The following OLFM3 variants were observed in gnomAD, a reference collection of about 807,000 sequenced individuals.
OLFM3 encodes noelin-3.
Under a neutral mutation model 48.6 loss-of-function variants are expected in OLFM3, and 20 were observed. The observed-to-expected ratio is 0.41, with a 90% CI of 0.29 to 0.60. The LOEUF (loss-of-function observed/expected upper bound fraction) is 0.60. Among genes scored for constraint, OLFM3 ranks in the 20% least tolerant of loss-of-function variants. The pLI, the probability that OLFM3 is intolerant of heterozygous loss-of-function variation, is 0.28. For synonymous variants in OLFM3, 222 were observed against 198.1 expected (o/e 1.12, Z -1.01); for missense variants, 437 against 544.3 (o/e 0.80, Z 1.96).
Position 101,877,988 on chromosome 1 carries a change from C to G in OLFM3, c.70-40963G>C, listed in dbSNP as rs551358583. ...ATGGCTGGTGGCATCACCTTAGATA[C>G]AGCTCACAAAGTGAAAGGACCTCAG... is the stretch of plus-strand genomic sequence containing the variant. On this transcript the variant is annotated intron_variant, in intron 1 of 5. Transcript: ENST00000370103. Among the ~76,000 whole-genome samples, 10 of 151,770 alleles carry G rather than the reference C, an allele frequency of 6.6e-5. No individual in the cohort carries two copies. The South Asian group carries it at 1.9e-3, about 28-fold the overall frequency.
intron 4 of OLFM3, among the ~76,000 whole-genome samples, chr1:101,820,313 G>A (rs1437614448): frequency 6.6e-6 from 1 of 152,054 alleles, no homozygotes; most frequent in East Asian, 1.9e-4. Context: ...ACTAACAGGA[G>A]GGAGTTGGGG....
intron 1 of OLFM3, among the ~76,000 whole-genome samples, chr1:101,880,869 A>G (rs1657499994): frequency 6.6e-6 from 1 of 151,860 alleles, no homozygotes; most frequent in South Asian, 2.1e-4. Flanking sequence ...AAAACTTCTA[A>G]AGCAGAATCA....
chr1:101,980,873 G>C (rs1176271711), intron 1 of OLFM3, among the ~76,000 whole-genome samples: 9 of 152,128 alleles, frequency 5.9e-5, no homozygotes, highest in African/African-American at 2.2e-4. Context: ...AGTTCCTGGG[G>C]AAAACTCAGG....
intron 1 of OLFM3, among the ~76,000 whole-genome samples, chr1:101,902,269 G>A (rs921883513): frequency 1.3e-5 from 2 of 151,956 alleles, no homozygotes; most frequent in Admixed American, 6.6e-5. Flanking sequence ...AGATCTATTC[G>A]ATAGAATAAG....
chr1:101,851,016 A>T (rs994973611), intron 1 of OLFM3, among the ~76,000 whole-genome samples: 1 of 152,178 alleles, frequency 6.6e-6, no homozygotes, highest in African/African-American at 2.4e-5. Context: ...ACCTCTAGAA[A>T]AAAACAGTGG....
rs186567267 is a variant in OLFM3, at chr1:101,979,405, T to C, written c.69+17343A>G. On this transcript the variant is annotated intron_variant, in intron 1 of 5. Coordinates refer to ENST00000370103, the MANE Select transcript of OLFM3 (RefSeq NM_058170.4). ...CAAGGGTGGGACAAGGTGGAGGTAATTGGATCATGGGGGCGGTTTCTCCCA... is the reference window on the plus strand; with the variant it reads ...CAAGGGTGGGACAAGGTGGAGGTAACTGGATCATGGGGGCGGTTTCTCCCA... Among the ~76,000 whole-genome samples the C allele has an allele frequency of 1.4e-3, 209 of 152,260 alleles. 1 individual carries two copies. Among genetic ancestry groups the C allele is most frequent in the African/African-American group, 4.9e-3 (202 of 41,538 alleles).
In OLFM3 at chr1:101,846,036, T is replaced by C. The variant is rs553160684; in HGVS notation, c.70-9011A>G. On this transcript the variant is annotated intron_variant, in intron 1 of 5. Coordinates refer to ENST00000370103, the MANE Select transcript of OLFM3 (RefSeq NM_058170.4). ...GGCAGAGGAATTATTTTCTAAGAAATTCCTTTTATTTGAATTTGTAAATTT... is the reference window on the plus strand; with the variant it reads ...GGCAGAGGAATTATTTTCTAAGAAACTCCTTTTATTTGAATTTGTAAATTT... 1.6e-4 allele frequency among the ~76,000 whole-genome samples: 25 copies of C among 152,354 alleles called. No individual in the cohort carries two copies. In the South Asian group the frequency reaches 4.8e-3, roughly 29 times the overall value.
At chr1:101,831,262 A>G (rs1442445409) in intron 2 of OLFM3, among the ~76,000 whole-genome samples, 1 of 152,200 alleles carries the variant, frequency 6.6e-6, no homozygotes, top group African/African-American at 2.4e-5. Flanking sequence ...AGAGGCCTAG[A>G]ATGCATTCAT....
intron 1 of OLFM3, among the ~76,000 whole-genome samples, chr1:101,970,513 C>T (rs1660752160): frequency 6.6e-6 from 1 of 152,098 alleles, no homozygotes; most frequent in African/African-American, 2.4e-5. Context: ...TCTTTTCCCC[C>T]TTCTTTCCTG....
At chr1:101,934,321 A>G (rs1659545816) in intron 1 of OLFM3, among the ~76,000 whole-genome samples, 2 of 152,190 alleles carry the variant, frequency 1.3e-5, no homozygotes, top group South Asian at 4.1e-4. Context: ...ATGGGTTGCT[A>G]TTCTAACCTC....
intron 1 of OLFM3, among the ~76,000 whole-genome samples, chr1:101,892,043 T>C (rs943982481): frequency 2.6e-5 from 4 of 152,066 alleles, no homozygotes; most frequent in African/African-American, 9.7e-5. Context: ...TAAACTTAAT[T>C]GTATAAAGCT....
At chr1:101,831,197 T>G (rs1655132634) in intron 2 of OLFM3, among the ~76,000 whole-genome samples, 1 of 152,264 alleles carries the variant, frequency 6.6e-6, no homozygotes, top group Non-Finnish European at 1.5e-5. Context: ...GTACTAATTC[T>G]GACTTCTTAA....
At chr1:101,863,015 G>T (rs1656716247) in intron 1 of OLFM3, among the ~76,000 whole-genome samples, 1 of 149,660 alleles carries the variant, frequency 6.7e-6, no homozygotes, top group African/African-American at 2.5e-5. Context: ...TTTTGAGACG[G>T]AGTGTTGCTC....
rs542055067 is a variant in OLFM3, at chr1:101,881,822, G to A, written c.70-44797C>T. Among the ~76,000 whole-genome samples the A allele has an allele frequency of 1.4e-4, 21 of 151,526 alleles. No individual in the cohort carries two copies. In the South Asian group the frequency reaches 4.4e-3, roughly 32 times the overall value. On this transcript the variant is annotated intron_variant, in intron 1 of 5. Transcript: ENST00000370103. Reference sequence around the variant, plus strand: ...CATTTTGGCTGCAGTATTGGTGGTAGAATATACTATAATATGGATCATCTC... The same window carrying A: ...CATTTTGGCTGCAGTATTGGTGGTAAAATATACTATAATATGGATCATCTC...
intron 1 of OLFM3, among the ~76,000 whole-genome samples, chr1:101,975,623 T>C (rs1660932971): frequency 1.3e-5 from 2 of 152,172 alleles, no homozygotes; most frequent in African/African-American, 4.8e-5. Context: ...CATTTGAAAC[T>C]ACAAGTGACC....
At chr1:101,925,789 C>T (rs979325935) in intron 1 of OLFM3, among the ~76,000 whole-genome samples, 1 of 152,024 alleles carries the variant, frequency 6.6e-6, no homozygotes, top group Non-Finnish European at 1.5e-5. Flanking sequence ...CTCAGCCCCA[C>T]AAAGTGCTAA....
At chr1:101,923,956 T>C (rs964657504) in intron 1 of OLFM3, among the ~76,000 whole-genome samples, 4 of 152,194 alleles carry the variant, frequency 2.6e-5, no homozygotes, top group Non-Finnish European at 4.4e-5. Flanking sequence ...TTGAGGTTAA[T>C]GTATTGAGGA....
intron 1 of OLFM3, among the ~76,000 whole-genome samples, chr1:101,916,688 G>C (rs1179155984): frequency 6.6e-6 from 1 of 152,072 alleles, no homozygotes; most frequent in Non-Finnish European, 1.5e-5. Flanking sequence ...GCAGCAGATG[G>C]GCTTGAATCT....
intron 1 of OLFM3, among the ~76,000 whole-genome samples, chr1:101,907,559 A>T (rs1456272947): frequency 6.6e-6 from 1 of 152,214 alleles, no homozygotes; most frequent in Non-Finnish European, 1.5e-5. Flanking sequence ...CCAGGTAGGG[A>T]TAGCAAAGAG....
Sources: allele counts gnomAD v4.1 joint callset (sites outside exome capture counted in the v4.1 genomes callset), GRCh38; gene constraint gnomAD v4.1.1; transcripts MANE v1.5; gene names NCBI Gene and HGNC (gene_info 2026-07-23, HGNC 2026-07-21).